Variants in RPS6KA2 observed in about 807,000 individuals in gnomAD.
The protein encoded by RPS6KA2 is ribosomal protein S6 kinase alpha-2.
In RPS6KA2, 42 loss-of-function variants were observed where a neutral mutation model predicts 91.8. The observed-to-expected ratio is 0.46, with a 90% CI of 0.36 to 0.59. The LOEUF (loss-of-function observed/expected upper bound fraction) is 0.59. Ranked by LOEUF, RPS6KA2 falls within the 20% of genes least tolerant of loss-of-function variation. The probability of loss-of-function intolerance (pLI) is 0.00; values close to 1 mark genes in which losing one functional copy is unlikely to be tolerated. For synonymous variants in RPS6KA2, 414 were observed against 393.6 expected, an observed-to-expected ratio of 1.05 and a Z score of -0.61; for missense variants, 798 against 978.5, an observed-to-expected ratio of 0.82 and a Z score of 2.46.
chr6:166,607,952 G>C (rs1455022705), intron 1 of RPS6KA2, among the ~76,000 whole-genome samples: 1 of 151,896 alleles, frequency 6.6e-6, no homozygotes, highest in Non-Finnish European at 1.5e-5. Flanking sequence ...GGAAGCAGCA[G>C]TGAGCCATGA....
chr6:166,769,515 A>G (rs570949812), intron 2 of RPS6KA2, among the ~76,000 whole-genome samples: 1 of 152,206 alleles, frequency 6.6e-6, no homozygotes, highest in Non-Finnish European at 1.5e-5. Context: ...CTTAACTGAA[A>G]TAGTCAGAAC....
In RPS6KA2 at chr6:166,533,822, C is replaced by T. The variant is rs559982172; in HGVS notation, c.217-2509G>A. Among the ~76,000 whole-genome samples the T allele has an allele frequency of 2.2e-4, 34 of 152,306 alleles. No individual in the cohort carries two copies. Among genetic ancestry groups the T allele is most frequent in the African/African-American group, 7.9e-4 (33 of 41,554 alleles). On this transcript the variant is annotated intron_variant, in intron 2 of 20. Transcript: ENST00000265678. This position sits in a 1 kb window ranked among gnomAD's most constrained non-coding sequence, Gnocchi z 4.0. Reference sequence around the variant, plus strand: ...AAAGGGCCAGGTTCAGTGGCTCACACCTGTAATCCAGCACATTGGGAGGCT... The same window carrying T: ...AAAGGGCCAGGTTCAGTGGCTCACATCTGTAATCCAGCACATTGGGAGGCT...
rs73269243 is a variant in RPS6KA2, at chr6:166,423,600, A to G, written c.1582-183T>C. Among the ~76,000 whole-genome samples, 1,641 of 152,174 alleles carry G rather than the reference A, an allele frequency of 0.011. 28 individuals are homozygous for G. Among genetic ancestry groups the G allele is most frequent in the African/African-American group, 0.035 (1,473 of 41,494 alleles). On this transcript the variant is annotated intron_variant, in intron 16 of 20. Transcript: ENST00000265678. This position sits in a 1 kb window ranked among gnomAD's most constrained non-coding sequence, Gnocchi z 4.8. ...TCCAGAGGGCCCCCCACCTTCTCCC[A>G]TTCTCCTGTGGTGGTCACTCACTTC...
intron 2 of RPS6KA2, among the ~76,000 whole-genome samples, chr6:166,835,987 G>T (rs1224296084): frequency 6.6e-6 from 1 of 152,062 alleles, no homozygotes; most frequent in Non-Finnish European, 1.5e-5. Flanking sequence ...TGATCATGTG[G>T]TTTTTCTCTT....
intron 2 of RPS6KA2, among the ~76,000 whole-genome samples, chr6:166,667,090 G>A (rs779075320): frequency 2.0e-5 from 3 of 152,158 alleles, no homozygotes; most frequent in Non-Finnish European, 4.4e-5. Context: ...CAGAGGATGA[G>A]GATTAGGGGG....
intron 5 of RPS6KA2, among the ~76,000 whole-genome samples, chr6:166,506,549 A>T (rs960083698): frequency 6.6e-6 from 1 of 152,172 alleles, no homozygotes; most frequent in African/African-American, 2.4e-5. Flanking sequence ...GCCAGTTCCC[A>T]AAGGCCTTTG....
chr6:166,442,343 G>A (rs565452681), intron 14 of RPS6KA2, among the ~76,000 whole-genome samples: 1 of 152,314 alleles, frequency 6.6e-6, no homozygotes, highest in South Asian at 2.1e-4. Context: ...GCTGGACAGG[G>A]GTCGAGAGTG....
chr6:166,437,388 G>A lies in RPS6KA2; in HGVS notation c.1333-4898C>T, dbSNP rs544050218. 1.3e-4 allele frequency among the ~76,000 whole-genome samples: 20 copies of A among 152,314 alleles called. No homozygotes were observed. Among genetic ancestry groups the A allele is most frequent in the Admixed American group, 7.2e-4 (11 of 15,300 alleles). On this transcript the variant is annotated intron_variant, in intron 14 of 20. Coordinates refer to ENST00000265678, the MANE Select transcript of RPS6KA2 (RefSeq NM_021135.6). The surrounding 1 kb of genome is among the most constrained non-coding windows in gnomAD (Gnocchi z 4.3). The stretch of plus-strand genomic sequence containing the variant: ...AAACAGGGAGGCCTTCTCAGCAAGC[G>A]TGGTGATGAACAAGGCCTCCCCTCC...
intron 2 of RPS6KA2, among the ~76,000 whole-genome samples, chr6:166,696,635 T>C (rs1383851508): frequency 6.6e-6 from 1 of 152,214 alleles, no homozygotes; most frequent in African/African-American, 2.4e-5. Context: ...AGGGTTATTA[T>C]GAATGTGTCC....
chr6:166,736,059 CA>C (rs1437014429), intron 2 of RPS6KA2, among the ~76,000 whole-genome samples: 2 of 152,224 alleles, frequency 1.3e-5, no homozygotes, highest in Non-Finnish European at 2.9e-5. Context: ...CAATGCAGAA[CA>C]GCTGATTTTC....
intron 6 of RPS6KA2, among the ~76,000 whole-genome samples, chr6:166,503,852 G>C (rs6934309): frequency 0.16 from 23,830 of 152,130 alleles, 3,282 homozygotes; most frequent in African/African-American, 0.37. Context: ...GCAAAATATC[G>C]TAGAAATAAT....
chr6:166,746,213 T>C (rs1791004993), intron 2 of RPS6KA2, among the ~76,000 whole-genome samples: 2 of 152,196 alleles, frequency 1.3e-5, no homozygotes, highest in South Asian at 4.1e-4. Context: ...GGCCATGTGA[T>C]AAGAACAACA....
Position 166,488,819 on chromosome 6 carries a change from C to T in RPS6KA2, c.907+14G>A, listed in dbSNP as rs1781498568. The T allele has an allele frequency of 6.2e-7, 1 of 1,606,868 alleles. No homozygotes were observed. The highest frequency in any genetic ancestry group is 2.2e-5 in the East Asian group (1 of 44,842). On this transcript the variant is annotated intron_variant, in intron 10 of 20. Coordinates refer to ENST00000265678, the MANE Select transcript of RPS6KA2 (RefSeq NM_021135.6). Reference sequence around the variant, plus strand: ...CTGCACGTTCCCGTGGTGGGGTGTCCCGGGGAATCTTACCCAGCCGGTTGC... The same window carrying T: ...CTGCACGTTCCCGTGGTGGGGTGTCTCGGGGAATCTTACCCAGCCGGTTGC...
intron 2 of RPS6KA2, among the ~76,000 whole-genome samples, chr6:166,786,570 T>C (rs531771455): frequency 1.2e-4 from 18 of 152,324 alleles, no homozygotes; most frequent in Admixed American, 2.6e-4. Flanking sequence ...GTAAAAGTAT[T>C]CTTTTTTGTA....
Position 166,750,681 on chromosome 6 carries a change from C to T in RPS6KA2, c.123+107519G>A, listed in dbSNP as rs188324400. On this transcript the variant is annotated intron_variant, in intron 2 of 21. Coordinates refer to the RPS6KA2 transcript ENST00000503859. ...CCTTGTGCCTAGAACATGCCAGGCA[C>T]GCAGCACAGATGGGTGTCATTGGTC... Among the ~76,000 whole-genome samples the T allele has an allele frequency of 2.5e-3, 379 of 152,288 alleles. 5 individuals carry two copies. Among genetic ancestry groups the T allele is most frequent in the African/African-American group, 6.1e-3 (252 of 41,546 alleles).
At chr6:166,803,541 G>A (rs1001712012) in intron 2 of RPS6KA2, among the ~76,000 whole-genome samples, 6 of 152,338 alleles carry the variant, frequency 3.9e-5, no homozygotes, top group African/African-American at 1.2e-4. Flanking sequence ...CGGAAATCCC[G>A]TGTCAGGAGT....
rs1790583214 is a variant in RPS6KA2 at position 166,733,223 on chromosome 6, C to T, written c.123+124977G>A. Among the ~76,000 whole-genome samples, 1 of 152,186 alleles carries T rather than the reference C, an allele frequency of 6.6e-6. No individual in the cohort carries two copies. The highest frequency in any genetic ancestry group is 2.4e-5 in the African/African-American group (1 of 41,450). The stretch of plus-strand genomic sequence containing the variant: ...CCAGAATGGGAGTACTTTTGAAAGC[C>T]TAATAGCCTTAGGCTGCAAGAGTCC... On this transcript the variant is annotated intron_variant, in intron 2 of 21. Coordinates refer to the RPS6KA2 transcript ENST00000503859. The surrounding 1 kb of genome is among the most constrained non-coding windows in gnomAD (Gnocchi z 4.1).
At chr6:166,677,191 C>T (rs1277677282) in intron 2 of RPS6KA2, among the ~76,000 whole-genome samples, 1 of 152,138 alleles carries the variant, frequency 6.6e-6, no homozygotes, top group Non-Finnish European at 1.5e-5. Context: ...AGGTTGACAC[C>T]TTCCAGAAAG....
intron 2 of RPS6KA2, among the ~76,000 whole-genome samples, chr6:166,755,542 T>G (rs1055955704): frequency 2.0e-5 from 3 of 152,054 alleles, no homozygotes; most frequent in Non-Finnish European, 2.9e-5. Flanking sequence ...CTCCACTCCT[T>G]GAGAATCCAG....
Sources: allele counts gnomAD v4.1 joint callset (sites outside exome capture counted in the v4.1 genomes callset), GRCh38; gene constraint gnomAD v4.1.1; non-coding constraint Gnocchi (gnomAD v3.1); transcripts MANE v1.5; gene names NCBI Gene and HGNC (gene_info 2026-07-23, HGNC 2026-07-21).